Variants in LIPI observed in about 807,000 individuals in gnomAD.
The protein encoded by LIPI is lipase I.
Under a neutral mutation model 50.6 loss-of-function variants are expected in LIPI, and 59 were observed. The ratio of observed to expected loss-of-function variants is 1.16; its 90% CI spans 0.94 to 1.45. The LOEUF (loss-of-function observed/expected upper bound fraction) is 1.45. Among genes scored for constraint, LIPI ranks in the 40% most tolerant of loss-of-function variants. The pLI, the probability that LIPI is intolerant of heterozygous loss-of-function variation, is 0.00. For missense variants in LIPI, 586 were observed against 536.3 expected (o/e 1.09, Z -0.92); for synonymous variants, 203 against 178.2 (o/e 1.14, Z -1.11).
chr21:14,125,306 G>T (rs1224239561), intron 9 of LIPI, among the ~76,000 whole-genome samples: 1 of 152,142 alleles, frequency 6.6e-6, no homozygotes, highest in African/African-American at 2.4e-5. Flanking sequence ...GTATACTATT[G>T]TAAAGTTCTC....
intron 1 of LIPI, among the ~76,000 whole-genome samples, chr21:14,208,864 T>C (rs2020292997): frequency 6.6e-6 from 1 of 152,048 alleles, no homozygotes; most frequent in South Asian, 2.1e-4. Flanking sequence ...CCAGCCTGGG[T>C]AACATAGTGA....
chr21:14,159,696 A>G (rs2018397126), intron 7 of LIPI, among the ~76,000 whole-genome samples: 1 of 151,420 alleles, frequency 6.6e-6, no homozygotes. Context: ...GAAGAAATAA[A>G]AGCATTCTTA....
chr21:14,126,394 A>G (rs2017067029), intron 9 of LIPI, among the ~76,000 whole-genome samples: 1 of 152,192 alleles, frequency 6.6e-6, no homozygotes, highest in African/African-American at 2.4e-5. Context: ...AAGTAACAAC[A>G]TAGATAAATT....
At chr21:14,125,537 T>C (rs547574051) in intron 9 of LIPI, among the ~76,000 whole-genome samples, 1 of 151,742 alleles carries the variant, frequency 6.6e-6, no homozygotes, top group East Asian at 1.9e-4. Flanking sequence ...AGCAAGATGA[T>C]AGTGTTTTGT....
At chr21:14,175,748 T>G (rs1267311096) in intron 4 of LIPI, among the ~76,000 whole-genome samples, 1 of 152,182 alleles carries the variant, frequency 6.6e-6, no homozygotes, top group Non-Finnish European at 1.5e-5. Context: ...AGAATCCAGT[T>G]GACTGAAACA....
intron 7 of LIPI, among the ~76,000 whole-genome samples, chr21:14,155,419 C>G (rs2018239725): frequency 6.6e-6 from 1 of 151,648 alleles, no homozygotes; most frequent in African/African-American, 2.4e-5. Flanking sequence ...TGACATGATG[C>G]CTGGAAACTT....
At chr21:14,196,194 A>T (rs2019845337) in intron 1 of LIPI, among the ~76,000 whole-genome samples, 1 of 151,658 alleles carries the variant, frequency 6.6e-6, no homozygotes. Context: ...TGGGTAAATA[A>T]ACTGTGGCAT....
intron 1 of LIPI, among the ~76,000 whole-genome samples, chr21:14,202,151 A>T: frequency 1.3e-5 from 2 of 152,220 alleles, no homozygotes; most frequent in Non-Finnish European, 2.9e-5. Context: ...CTTCAAGAAG[A>T]ACTACAAACC....
At chr21:14,127,286 G>T (rs2017103068) in intron 9 of LIPI, among the ~76,000 whole-genome samples, 1 of 152,168 alleles carries the variant, frequency 6.6e-6, no homozygotes, top group Admixed American at 6.5e-5. Flanking sequence ...TGTATGGACA[G>T]ATCTAAATAG....
At chr21:14,173,254 G>T (rs2018983197) in intron 4 of LIPI, among the ~76,000 whole-genome samples, 1 of 152,212 alleles carries the variant, frequency 6.6e-6, no homozygotes. Context: ...CGATCAGTGT[G>T]ATGATTTGCT....
In LIPI at chr21:14,206,493, C is replaced by CT. The variant is rs2020228744; in HGVS notation, c.46+4306dup. Among the ~76,000 whole-genome samples the CT allele has an allele frequency of 2.0e-5, 3 of 152,120 alleles. No individual in the cohort carries two copies. In the South Asian group the frequency reaches 6.2e-4, roughly 31 times the overall value. On this transcript the variant is annotated intron_variant, in intron 1 of 9. Transcript: ENST00000681601. ...GTAATCAAAATGAACAAAAGAACCA[C>CT]TAGTTTTGCTGACTCAAGAACAGAG...
chr21:14,188,567 CAAAAAAAAAAAA>C (rs577516831), intron 2 of LIPI, among the ~76,000 whole-genome samples: 2 of 65,964 alleles, frequency 3.0e-5, no homozygotes, highest in African/African-American at 5.7e-5. Context: ...GAACCTGTCT[CAAAAAAAAAAAA>C]AAAAAAAAAA....
At chr21:14,183,578 T>A (rs997808130) in intron 3 of LIPI, among the ~76,000 whole-genome samples, 2 of 152,184 alleles carry the variant, frequency 1.3e-5, no homozygotes, top group African/African-American at 4.8e-5. Context: ...TCTACTCATC[T>A]GACAAAGGGC....
chr21:14,181,889 C>T, intron 3 of LIPI, 30 bp from the exon 4 acceptor site: 2 of 1,237,558 alleles, frequency 1.6e-6, no homozygotes, highest in Non-Finnish European at 2.4e-6. Context: ...TAATCAGTCT[C>T]ATCAAGTCCA....
At chr21:14,201,140 C>A (rs2020038186) in intron 1 of LIPI, among the ~76,000 whole-genome samples, 1 of 152,046 alleles carries the variant, frequency 6.6e-6, no homozygotes, top group South Asian at 2.1e-4. Flanking sequence ...AAATGTAAAA[C>A]CCAACACTAC....
intron 4 of LIPI, among the ~76,000 whole-genome samples, chr21:14,171,607 A>C (rs1021737515): frequency 2.0e-3 from 307 of 150,748 alleles, no homozygotes; most frequent in South Asian, 7.1e-3. Context: ...GAAAAACAAG[A>C]AATGGGGAAA....
intron 9 of LIPI, among the ~76,000 whole-genome samples, chr21:14,111,814 A>C (rs1473010627): frequency 6.6e-6 from 1 of 151,576 alleles, no homozygotes; most frequent in East Asian, 1.9e-4. Context: ...GCATGTGACT[A>C]TACAGTTTTT....
In LIPI at chr21:14,145,126, T is replaced by TCAGACCC. The variant is rs2017855591; in HGVS notation, c.1119-328_1119-327insGGGTCTG. ...AGAGAAGTCATCCTATATGTGTTTT[T>TCAGACCC]TACAGTTCCTTAAATAGACTAGGTG... On this transcript the variant is annotated intron_variant, in intron 8 of 9. Transcript: ENST00000681601. Among the ~76,000 whole-genome samples, 33 of 123,192 alleles carry TCAGACCC rather than the reference T, an allele frequency of 2.7e-4. No homozygotes were observed. In the South Asian group the frequency reaches 9.2e-3, roughly 34 times the overall value. 80.8% of individuals were successfully genotyped at this position (123,192 alleles called of 152,430 possible). A position where few individuals can be genotyped will look rare whatever the true frequency, so the allele number is the denominator to read the frequency against.
At chr21:14,199,404 G>T (rs1004666403) in intron 1 of LIPI, among the ~76,000 whole-genome samples, 1 of 151,472 alleles carries the variant, frequency 6.6e-6, no homozygotes, top group African/African-American at 2.4e-5. Context: ...CAGTAACAAG[G>T]GTTATATTAC....
Sources: gnomAD v4.1 joint callset for allele counts (sites outside exome capture counted in the v4.1 genomes callset) on GRCh38, gnomAD v4.1.1 for gene constraint, MANE v1.5 for transcripts, NCBI Gene and HGNC (gene_info 2026-07-23, HGNC 2026-07-21) for gene names.